Variants in TBC1D22A observed in about 807,000 individuals in gnomAD.
TBC1D22A encodes the protein putative GTPase activator.
TBC1D22A carries 38 observed loss-of-function variants against 60.2 expected under a neutral mutation model. The observed-to-expected ratio is 0.63, with a 90% CI of 0.49 to 0.83. The LOEUF is 0.83. TBC1D22A is among the 40% of genes least tolerant of loss of function. TBC1D22A has a pLI of 0.00. For synonymous variants in TBC1D22A, 302 were observed against 281.7 expected (o/e 1.07, Z -0.72); for missense variants, 628 against 701.0 (o/e 0.90, Z 1.18).
intron 9 of TBC1D22A, among the ~76,000 whole-genome samples, chr22:46,980,249 A>C (rs1489496989): frequency 6.6e-6 from 1 of 152,172 alleles, no homozygotes; most frequent in Non-Finnish European, 1.5e-5. Context: ...GTGGTGTGAT[A>C]CTGGCTCACT....
intron 11 of TBC1D22A, among the ~76,000 whole-genome samples, chr22:47,075,693 A>G (rs935662213): frequency 6.6e-6 from 1 of 152,218 alleles, no homozygotes; most frequent in Non-Finnish European, 1.5e-5. Flanking sequence ...TATTTTAAAT[A>G]AATATTGAGA....
At chr22:47,013,975 C>G (rs577468886) in intron 10 of TBC1D22A, among the ~76,000 whole-genome samples, 2 of 152,372 alleles carry the variant, frequency 1.3e-5, no homozygotes, top group African/African-American at 4.8e-5. Context: ...CGGTTTGACC[C>G]TCTGCCGAGC....
intron 12 of TBC1D22A, among the ~76,000 whole-genome samples, chr22:47,142,377 A>C (rs1053673522): frequency 1.5e-5 from 1 of 67,336 alleles, no homozygotes; most frequent in Non-Finnish European, 2.7e-5. Context: ...TCTTCCATCC[A>C]TCCGCCCACC....
rs962952511 is a variant in TBC1D22A at position 46,767,108 on chromosome 22, C to T, written c.62+4260C>T. ...AGAGGTGGTCTTGCTGGTAGACCCTCGGTTTATGCACACCCTGGTCCTTAG... is the reference window on the plus strand; with the variant it reads ...AGAGGTGGTCTTGCTGGTAGACCCTTGGTTTATGCACACCCTGGTCCTTAG... On this transcript the variant is annotated intron_variant, in intron 1 of 12. Transcript: ENST00000337137. 1.2e-4 allele frequency among the ~76,000 whole-genome samples: 19 copies of T among 152,282 alleles called. 1 individual carries two copies. Among genetic ancestry groups the T allele is most frequent in the African/African-American group, 2.6e-4 (11 of 41,554 alleles).
At chr22:46,897,841 A>G (rs1471631672) in intron 7 of TBC1D22A, among the ~76,000 whole-genome samples, 1 of 151,676 alleles carries the variant, frequency 6.6e-6, no homozygotes, top group Non-Finnish European at 1.5e-5. Flanking sequence ...TTTGTTTTGC[A>G]TGTTGATTGC....
At chr22:47,057,046 A>T (rs575990043) in intron 11 of TBC1D22A, among the ~76,000 whole-genome samples, 1 of 152,334 alleles carries the variant, frequency 6.6e-6, no homozygotes, top group South Asian at 2.1e-4. Flanking sequence ...CCCACCTGGC[A>T]GGTGCCTGAC....
chr22:47,025,620 TC>T (rs780175201), intron 10 of TBC1D22A, among the ~76,000 whole-genome samples: 2 of 152,236 alleles, frequency 1.3e-5, no homozygotes, highest in Non-Finnish European at 2.9e-5. Context: ...GTATAGTACT[TC>T]CCTTAGAGGG....
At chr22:46,847,235 T>C (rs142594707) in intron 4 of TBC1D22A, among the ~76,000 whole-genome samples, 248 of 152,250 alleles carry the variant, frequency 1.6e-3, no homozygotes, top group African/African-American at 5.8e-3. Context: ...ATAGGAGAAA[T>C]AGTGTAGAAG....
At chr22:46,811,799 C>T (rs559105718) in intron 4 of TBC1D22A, among the ~76,000 whole-genome samples, 2 of 152,282 alleles carry the variant, frequency 1.3e-5, no homozygotes, top group African/African-American at 4.8e-5. Context: ...AAAAATGCAG[C>T]TGGGGTCTGT....
At chr22:46,874,272 C>T (rs1461435259) in intron 4 of TBC1D22A, among the ~76,000 whole-genome samples, 2 of 151,980 alleles carry the variant, frequency 1.3e-5, no homozygotes, top group Non-Finnish European at 2.9e-5. Context: ...TGTAATAGAA[C>T]GATTTATATT....
At chr22:47,154,059 G>A (rs1193758887) in intron 12 of TBC1D22A, among the ~76,000 whole-genome samples, 2 of 152,140 alleles carry the variant, frequency 1.3e-5, no homozygotes, top group Non-Finnish European at 1.5e-5. Flanking sequence ...GACTGCGAGT[G>A]GATGAGGAGG....
intron 6 of TBC1D22A, among the ~76,000 whole-genome samples, chr22:46,894,085 C>G (rs4823581): frequency 0.57 from 85,984 of 152,114 alleles, 27,103 homozygotes; most frequent in Middle Eastern, 0.79. Context: ...GCCTGTCTTC[C>G]CTCAGTCCAT....
chr22:46,992,857 C>CTT (rs35917559), intron 9 of TBC1D22A, among the ~76,000 whole-genome samples: 63,251 of 151,672 alleles, frequency 0.42, 14,683 homozygotes, highest in African/African-American at 0.64. Flanking sequence ...GGAAGGGAGT[C>CTT]TTAAGAGTTG....
intron 4 of TBC1D22A, among the ~76,000 whole-genome samples, chr22:46,873,209 A>G (rs1399647445): frequency 6.6e-6 from 1 of 152,234 alleles, no homozygotes; most frequent in East Asian, 1.9e-4. Flanking sequence ...ATTTTGAACA[A>G]CCCAATAAAA....
At chr22:46,910,733 G>A (rs1319436038) in intron 7 of TBC1D22A, among the ~76,000 whole-genome samples, 2 of 152,114 alleles carry the variant, frequency 1.3e-5, no homozygotes, top group African/African-American at 2.4e-5. Flanking sequence ...CTTCACGGAG[G>A]GAGTGGTGCT....
At chr22:46,881,583 G>A (rs1172241246) in intron 5 of TBC1D22A, among the ~76,000 whole-genome samples, 2 of 152,230 alleles carry the variant, frequency 1.3e-5, no homozygotes, top group African/African-American at 4.8e-5. Flanking sequence ...GGAACAGGCT[G>A]TTCTTGCCCA....
At chr22:46,885,094 C>G (rs536213091) in intron 5 of TBC1D22A, among the ~76,000 whole-genome samples, 2 of 152,264 alleles carry the variant, frequency 1.3e-5, no homozygotes, top group East Asian at 3.9e-4. Flanking sequence ...CTTTGTCCAC[C>G]CACTGATGGA....
At chr22:46,936,713 G>T (rs756704431) in intron 8 of TBC1D22A, among the ~76,000 whole-genome samples, 4 of 152,256 alleles carry the variant, frequency 2.6e-5, no homozygotes, top group African/African-American at 7.2e-5. Context: ...CTCACTCTGC[G>T]AGGACACACA....
intron 12 of TBC1D22A, among the ~76,000 whole-genome samples, chr22:47,127,049 C>T (rs1297902060): frequency 2.0e-5 from 3 of 152,192 alleles, no homozygotes; most frequent in African/African-American, 7.2e-5. Context: ...CCCACCCACC[C>T]TCGGGGTCTC....
Sources: allele counts gnomAD v4.1 joint callset (sites outside exome capture counted in the v4.1 genomes callset), GRCh38; gene constraint gnomAD v4.1.1; transcripts MANE v1.5; gene names NCBI Gene and HGNC (gene_info 2026-07-23, HGNC 2026-07-21).